MYLK3: variants seen among roughly 807,000 people sequenced by gnomAD.
MYLK3 encodes the protein myosin light chain kinase 3, also known as MLC kinase.
MYLK3 carries 55 observed loss-of-function variants against 76.3 expected under a neutral mutation model. The ratio of observed to expected loss-of-function variants is 0.72; its 90% confidence interval spans 0.58 to 0.90. The LOEUF (loss-of-function observed/expected upper bound fraction) is 0.90. Ranked by LOEUF, MYLK3 falls within the 40% of genes least tolerant of loss-of-function variation. The probability of loss-of-function intolerance (pLI) is 0.00; values close to 1 mark genes in which losing one functional copy is unlikely to be tolerated. For missense variants in MYLK3, 973 were observed against 1,053.6 expected (o/e 0.92, Z 1.06); for synonymous variants, 416 against 425.4 (o/e 0.98, Z 0.27).
chr16:46,722,619 A>G (rs564559719), intron 8 of MYLK3, among the ~76,000 whole-genome samples: 2 of 152,220 alleles, frequency 1.3e-5, no homozygotes, highest in Non-Finnish European at 2.9e-5. Flanking sequence ...TAGAATGTAC[A>G]TTTAAAAAGG....
At chr16:46,713,325 G>A (rs956030037) in intron 9 of MYLK3, among the ~76,000 whole-genome samples, 2 of 151,326 alleles carry the variant, frequency 1.3e-5, no homozygotes, top group Non-Finnish European at 2.9e-5. Context: ...AGCCTCCTGA[G>A]TATCTGGGGC....
At chr16:46,762,149 G>A (rs1205057829) in intron 1 of MYLK3, among the ~76,000 whole-genome samples, 1 of 152,112 alleles carries the variant, frequency 6.6e-6, no homozygotes, top group East Asian at 1.9e-4. Context: ...CAGGCAAAAA[G>A]GCAAAAATCT....
At chr16:46,718,208 A>T (rs139402195) in intron 9 of MYLK3, among the ~76,000 whole-genome samples, 61 of 152,334 alleles carry the variant, frequency 4.0e-4, no homozygotes, top group Middle Eastern at 3.4e-3. Context: ...GCGATAATGA[A>T]ATAGGTTGAG....
chr16:46,745,660 C>A (rs1235212837), intron 1 of MYLK3, among the ~76,000 whole-genome samples: 1 of 152,078 alleles, frequency 6.6e-6, no homozygotes, highest in Non-Finnish European at 1.5e-5. Context: ...ACAGGAGAAT[C>A]GCTTGAACCC....
chr16:46,720,708 C>T (rs1966790489), intron 9 of MYLK3, among the ~76,000 whole-genome samples: 4 of 152,314 alleles, frequency 2.6e-5, no homozygotes, highest in Middle Eastern at 6.8e-3. Flanking sequence ...CTGTCACATA[C>T]TCACTTTTTG....
chr16:46,763,225 T>C, exon 1 of MYLK3: 7 of 985,528 alleles, frequency 7.1e-6, no homozygotes, highest in Non-Finnish European at 8.4e-6. Context: ...CTGGTCTCCC[T>C]TCCTCTGCTG....
Position 46,737,724 on chromosome 16 carries a change from C to T in MYLK3, c.988G>A (p.Glu330Lys). Residue 330 changes from glutamate (E) to lysine (K), a missense_variant, in exon 3 of 13, where the codon GAA becomes AAA. Transcript: ENST00000394809. Reference protein sequence around the residue: ...AQARATHSGGETPPRISIHIQ... With the variant: ...AQARATHSGGKTPPRISIHIQ... Reference sequence around the variant, plus strand: ...AGCTCCCCTTACCTTGGAGGTGTTTCTCCACCACTGTGGGTTGCCCTGGCC... The same window carrying T: ...AGCTCCCCTTACCTTGGAGGTGTTTTTCCACCACTGTGGGTTGCCCTGGCC... The T allele has an allele frequency of 6.3e-7, 1 of 1,599,464 alleles. No homozygotes were observed. Among genetic ancestry groups the T allele is most frequent in the Non-Finnish European group, 8.5e-7 (1 of 1,170,660 alleles).
intron 3 of MYLK3, among the ~76,000 whole-genome samples, chr16:46,734,505 T>A (rs2143015362): frequency 6.6e-6 from 1 of 152,118 alleles, no homozygotes; most frequent in East Asian, 1.9e-4. Flanking sequence ...TCCCAGCTAC[T>A]TGGGAGGCTG....
chr16:46,730,536 G>C (rs910964046), intron 5 of MYLK3, 57 bp downstream of exon 5: 10 of 1,470,072 alleles, frequency 6.8e-6, no homozygotes, highest in African/African-American at 1.4e-5. Context: ...AGGTGGTCCC[G>C]ACCCTGCCCC....
At chr16:46,749,093 T>C (rs1356495570), upstream of MYLK3, among the ~76,000 whole-genome samples, 1 of 152,252 alleles carries the variant, frequency 6.6e-6, no homozygotes, top group Non-Finnish European at 1.5e-5. Context: ...CTGTGTTTCC[T>C]GTGGTTTACA....
intron 8 of MYLK3, chr16:46,726,640 G>C (rs1270749261): frequency 9.0e-6 from 1 of 111,398 alleles, no homozygotes. Flanking sequence ...AAGAAAGTGA[G>C]AGAAAGAAAG....
At chr16:46,751,048 A>G (rs1194139175), upstream of MYLK3, among the ~76,000 whole-genome samples, 6 of 152,134 alleles carry the variant, frequency 3.9e-5, no homozygotes, top group Non-Finnish European at 8.8e-5. Flanking sequence ...AGCCAGAAAG[A>G]TAACTTCAAA....
intron 1 of MYLK3, among the ~76,000 whole-genome samples, chr16:46,759,432 T>A (rs1291407666): frequency 1.3e-5 from 2 of 152,142 alleles, no homozygotes; most frequent in African/African-American, 4.8e-5. Flanking sequence ...CTGTGCTACA[T>A]CCTTACATCA....
At chr16:46,748,396 C>T (rs919462221), upstream of MYLK3, 3 of 977,686 alleles carry the variant, frequency 3.1e-6, no homozygotes, top group African/African-American at 3.3e-5. The surrounding 1 kb of genome is among the most constrained non-coding windows in gnomAD (Gnocchi z 4.3). Context: ...GCTTATCTCC[C>T]ACCCTACACG....
intron 8 of MYLK3, among the ~76,000 whole-genome samples, chr16:46,723,637 A>G (rs1966820917): frequency 7.0e-6 from 1 of 142,760 alleles, no homozygotes; most frequent in Admixed American, 7.4e-5. Context: ...ATTTTCCCAT[A>G]TCCTAGCTGA....
chr16:46,751,237 C>T (rs1240230526), upstream of MYLK3, among the ~76,000 whole-genome samples: 1 of 151,804 alleles, frequency 6.6e-6, no homozygotes, highest in African/African-American at 2.4e-5. Context: ...ATGATGAAAC[C>T]CCATCTCTAC....
upstream of MYLK3, among the ~76,000 whole-genome samples, chr16:46,748,712 A>C (rs893303082): frequency 6.6e-6 from 1 of 152,206 alleles, no homozygotes; most frequent in Non-Finnish European, 1.5e-5. The surrounding 1 kb of genome is among the most constrained non-coding windows in gnomAD (Gnocchi z 4.3). Context: ...GACAGAAAGG[A>C]ATGTGAGACC....
intron 7 of MYLK3, 111 bp from the exon 8 acceptor site, chr16:46,727,488 C>A (rs1395295982): frequency 3.3e-6 from 4 of 1,197,728 alleles, no homozygotes; most frequent in Non-Finnish European, 3.4e-6. Context: ...CACCATCACA[C>A]CCCATGGGTC....
At chr16:46,717,217 C>T (rs1428898415) in intron 9 of MYLK3, among the ~76,000 whole-genome samples, 1 of 152,086 alleles carries the variant, frequency 6.6e-6, no homozygotes, top group Non-Finnish European at 1.5e-5. Flanking sequence ...TAGGGGATGT[C>T]GGAACTGAAC....
Sources: gnomAD v4.1 joint callset for allele counts (sites outside exome capture counted in the v4.1 genomes callset) on GRCh38, gnomAD v4.1.1 for gene constraint, Gnocchi (gnomAD v3.1) non-coding constraint, MANE v1.5 for transcripts, NCBI Gene and HGNC (gene_info 2026-07-23, HGNC 2026-07-21) for gene names.